The following LRFN5 variants were observed in gnomAD, a reference collection of about 807,000 sequenced individuals.
LRFN5 encodes the protein leucine rich repeat and fibronectin type III domain containing 5.
Under a neutral mutation model 45.6 loss-of-function variants are expected in LRFN5, and 24 were observed. The observed-to-expected ratio is 0.53, with a 90% CI of 0.38 to 0.74. The LOEUF is 0.74. Ranked by LOEUF, LRFN5 falls within the 30% of genes least tolerant of loss-of-function variation. The pLI, the probability that LRFN5 is intolerant of heterozygous loss-of-function variation, is 0.00. For synonymous variants in LRFN5, 340 were observed against 313.8 expected, an observed-to-expected ratio of 1.08 and a Z score of -0.88; for missense variants, 776 against 861.5, an observed-to-expected ratio of 0.90 and a Z score of 1.24.
At chr14:41,809,123 G>A (rs1260662928) in intron 2 of LRFN5, among the ~76,000 whole-genome samples, 3 of 151,962 alleles carry the variant, frequency 2.0e-5, no homozygotes, top group African/African-American at 2.4e-5. Flanking sequence ...GGATTTTTTA[G>A]TCTAACGAAG....
chr14:41,692,627 CATT>C (rs918592610), intron 1 of LRFN5, among the ~76,000 whole-genome samples: 1 of 152,186 alleles, frequency 6.6e-6, no homozygotes, highest in African/African-American at 2.4e-5. Flanking sequence ...CAAGGGTTCT[CATT>C]GTTCAATTCC....
At chr14:41,773,577 GTC>G (rs1886168243) in intron 2 of LRFN5, among the ~76,000 whole-genome samples, 1 of 151,324 alleles carries the variant, frequency 6.6e-6, no homozygotes, top group South Asian at 2.1e-4. Flanking sequence ...CTCTCTCTCT[GTC>G]TCTTTCTCTT....
chr14:41,886,861 A>C lies in LRFN5; in HGVS notation c.236A>C (p.Asp79Ala). The change falls in exon 3 of 6, where the codon GAC (aspartate) becomes GCC (alanine). Residue 79 changes from aspartate to alanine, a missense_variant. Asp to Ala is a moderately radical substitution (Grantham distance 126, BLOSUM62 -2). Coordinates refer to ENST00000298119, the MANE Select transcript of LRFN5 (RefSeq NM_152447.5). ...TTTGCCAATATGACCAGCTTGGTGG[A>C]CCTGACTCTATCCAGGAATACAATA... ...KDFANMTSLV[D>A]LTLSRNTISF... The C allele has an allele frequency of 6.2e-7, 1 of 1,614,152 alleles. No individual in the cohort carries two copies. Among genetic ancestry groups the C allele is most frequent in the Non-Finnish European group, 8.5e-7 (1 of 1,180,004 alleles).
chr14:41,794,423 ATTCATTTAAT>A (rs2138952712), intron 2 of LRFN5, among the ~76,000 whole-genome samples: 1 of 152,106 alleles, frequency 6.6e-6, no homozygotes, highest in East Asian at 1.9e-4. Flanking sequence ...GACTTTTCTG[ATTCATTTAAT>A]TTCATTTAAT....
chr14:41,847,299 A>G (rs1363517323), intron 2 of LRFN5, among the ~76,000 whole-genome samples: 2 of 152,102 alleles, frequency 1.3e-5, no homozygotes, highest in Non-Finnish European at 2.9e-5. Context: ...ATATTCCTTC[A>G]TGGGGAGTAA....
intron 2 of LRFN5, among the ~76,000 whole-genome samples, chr14:41,881,238 A>C (rs1346263170): frequency 3.9e-5 from 6 of 152,008 alleles, no homozygotes; most frequent in East Asian, 1.9e-4. Flanking sequence ...TCTGAGATAA[A>C]TTTTTCTTAG....
chr14:41,719,873 G>T (rs974144197), intron 1 of LRFN5, among the ~76,000 whole-genome samples: 1 of 151,804 alleles, frequency 6.6e-6, no homozygotes, highest in Non-Finnish European at 1.5e-5. Flanking sequence ...TTTGATGTAG[G>T]TGTTTAGAGC....
At chr14:41,864,393 G>T (rs558096526) in intron 2 of LRFN5, among the ~76,000 whole-genome samples, 1 of 152,256 alleles carries the variant, frequency 6.6e-6, no homozygotes, top group East Asian at 1.9e-4. Context: ...ATCTCATTGT[G>T]GTTTTGATTT....
At chr14:41,760,992 C>T (rs1358534266) in intron 1 of LRFN5, among the ~76,000 whole-genome samples, 1 of 152,046 alleles carries the variant, frequency 6.6e-6, no homozygotes, top group African/African-American at 2.4e-5. Flanking sequence ...TGACATGAAC[C>T]TAAATTGGGC....
At chr14:41,776,851 A>AT (rs1886310232) in intron 2 of LRFN5, among the ~76,000 whole-genome samples, 1 of 151,984 alleles carries the variant, frequency 6.6e-6, no homozygotes, top group Non-Finnish European at 1.5e-5. Flanking sequence ...TTATTTTCAC[A>AT]TTTTTTGTGT....
intron 1 of LRFN5, among the ~76,000 whole-genome samples, chr14:41,674,436 T>A (rs1881473287): frequency 9.0e-6 from 1 of 110,664 alleles, no homozygotes; most frequent in Non-Finnish European, 1.8e-5. Flanking sequence ...AGCTCCTCAC[T>A]TCCCAGTAGG....
At chr14:41,848,970 A>C (rs1889166451) in intron 2 of LRFN5, among the ~76,000 whole-genome samples, 1 of 151,984 alleles carries the variant, frequency 6.6e-6, no homozygotes, top group Non-Finnish European at 1.5e-5. Flanking sequence ...AGGATGTCAC[A>C]TTTACAGTAG....
chr14:41,880,219 G>A (rs1257647960), intron 2 of LRFN5, among the ~76,000 whole-genome samples: 3 of 151,774 alleles, frequency 2.0e-5, no homozygotes, highest in African/African-American at 7.3e-5. Context: ...GAGCCACCGC[G>A]CCCGGCCCTC....
At chr14:41,670,914 T>G (rs1881177582) in intron 1 of LRFN5, among the ~76,000 whole-genome samples, 1 of 152,090 alleles carries the variant, frequency 6.6e-6, no homozygotes, top group Non-Finnish European at 1.5e-5. Context: ...AAGCTTCTGT[T>G]TTATTATTTT....
At position 41,888,002 on chromosome 14, in the gene LRFN5, T is replaced by A. The variant is rs1890641679; in HGVS notation, c.1377T>A (p.Leu459=). The A allele has an allele frequency of 1.3e-6, 2 of 1,587,092 alleles. No homozygotes were observed. Among genetic ancestry groups the A allele is most frequent in the Non-Finnish European group, 1.7e-6 (2 of 1,167,096 alleles). ...ACAATGGTACTTATGATGACACCCT[T>A]GTTTACAGGTAAGAAAAATTGAGCA... is the stretch of plus-strand genomic sequence containing the variant. ...IQYNGTYDDT[L]VYRMIPPTSK... Residue 459 remains leucine, a synonymous_variant, in exon 3 of 6, where the codon CTT becomes CTA. Coordinates refer to ENST00000298119, the MANE Select transcript of LRFN5 (RefSeq NM_152447.5).
At chr14:41,769,547 T>A (rs1434088137) in intron 2 of LRFN5, among the ~76,000 whole-genome samples, 2 of 152,216 alleles carry the variant, frequency 1.3e-5, no homozygotes. Context: ...TGTATATATG[T>A]ATATATGTGT....
At chr14:41,903,332 A>T (rs1240520596) in intron 5 of LRFN5, among the ~76,000 whole-genome samples, 1 of 151,424 alleles carries the variant, frequency 6.6e-6, no homozygotes, top group East Asian at 1.9e-4. Flanking sequence ...TGATTCATTC[A>T]TGCCATGCAT....
chr14:41,756,179 C>G (rs1289359122), intron 1 of LRFN5, among the ~76,000 whole-genome samples: 1 of 152,184 alleles, frequency 6.6e-6, no homozygotes, highest in Non-Finnish European at 1.5e-5. Context: ...GCCGACCTTT[C>G]TCTCTGGCTG....
intron 2 of LRFN5, among the ~76,000 whole-genome samples, chr14:41,795,604 T>C (rs1055336442): frequency 2.0e-5 from 3 of 152,054 alleles, no homozygotes; most frequent in African/African-American, 7.2e-5. Flanking sequence ...CCATAAAAAA[T>C]GATGAGTTCA....
Sources: gnomAD v4.1 joint callset for allele counts (sites outside exome capture counted in the v4.1 genomes callset) on GRCh38, gnomAD v4.1.1 for gene constraint, MANE v1.5 for transcripts, NCBI Gene and HGNC (gene_info 2026-07-23, HGNC 2026-07-21) for gene names.